The following CSNK1A1 variants were observed in gnomAD, a reference collection of about 807,000 sequenced individuals.
CSNK1A1 encodes the protein casein kinase I isoform alpha.
Under a neutral mutation model 46.1 loss-of-function variants are expected in CSNK1A1, and 7 were observed. The observed-to-expected ratio is 0.15, with a 90% CI of 0.09 to 0.29. The LOEUF (loss-of-function observed/expected upper bound fraction) is 0.29. CSNK1A1 is among the 10% of genes least tolerant of loss of function. The probability of loss-of-function intolerance (pLI) is 1.00; values close to 1 mark genes in which losing one functional copy is unlikely to be tolerated. For missense variants in CSNK1A1, 96 were observed against 417.1 expected (o/e 0.23, Z 6.71); for synonymous variants, 137 against 141.5 (o/e 0.97, Z 0.23).
At chr5:149,509,289 T>C (rs1343151018) in intron 7 of CSNK1A1, among the ~76,000 whole-genome samples, 1 of 152,172 alleles carries the variant, frequency 6.6e-6, no homozygotes, top group Non-Finnish European at 1.5e-5. Context: ...AATAAAAATG[T>C]AAATTTAAAA....
chr5:149,547,841 A>G (rs1762526807), intron 2 of CSNK1A1, among the ~76,000 whole-genome samples: 1 of 152,044 alleles, frequency 6.6e-6, no homozygotes, highest in South Asian at 2.1e-4. Context: ...ACTGTAAATC[A>G]GCATTGGAAC....
intron 2 of CSNK1A1, among the ~76,000 whole-genome samples, chr5:149,547,053 C>G (rs1382614092): frequency 6.6e-6 from 1 of 152,098 alleles, no homozygotes; most frequent in Non-Finnish European, 1.5e-5. Flanking sequence ...GCAAATTTAC[C>G]CTTTCCACAC....
chr5:149,522,748 AATT>A, intron 3 of CSNK1A1, among the ~76,000 whole-genome samples: 1 of 152,230 alleles, frequency 6.6e-6, no homozygotes, highest in East Asian at 1.9e-4. Context: ...CCTTCCTCAG[AATT>A]ATATTTTTTC....
chr5:149,518,860 C>A (rs539697461), intron 4 of CSNK1A1, among the ~76,000 whole-genome samples: 1 of 151,948 alleles, frequency 6.6e-6, no homozygotes, highest in African/African-American at 2.4e-5. Context: ...GCAAAAACCA[C>A]GTACTGCAAT....
Position 149,496,090 on chromosome 5 carries a change from T to C in CSNK1A1, c.*763A>G, listed in dbSNP as rs1268721967. The C allele has an allele frequency of 2.0e-5, 3 of 152,672 alleles. No individual in the cohort carries two copies. Among genetic ancestry groups the C allele is most frequent in the African/African-American group, 4.8e-5 (2 of 41,460 alleles). The allele number at this position is 152,672 out of a possible 1,614,324, so 9.5% of individuals were successfully genotyped here. On this transcript the variant is annotated 3_prime_UTR_variant, in exon 10 of 10. Transcript: ENST00000377843. ...TATAGATGTTTACAGTGATTACATT[T>C]ATCTAAGCAACATACATACATGTTC...
chr5:149,532,433 C>T (rs1761932268), intron 2 of CSNK1A1, among the ~76,000 whole-genome samples: 1 of 151,840 alleles, frequency 6.6e-6, no homozygotes, highest in Non-Finnish European at 1.5e-5. Context: ...TGGCTCACAC[C>T]TGCAATTCTA....
rs879295923 is a variant in CSNK1A1 at position 149,551,045 on chromosome 5, G to A, written c.-81C>T. The A allele has an allele frequency of 4.8e-5, 74 of 1,527,446 alleles. No homozygotes were observed. Among genetic ancestry groups the A allele is most frequent in the Non-Finnish European group, 6.6e-5 (74 of 1,116,512 alleles). 94.6% of individuals were successfully genotyped at this position (1,527,446 alleles called of 1,614,324 possible). On this transcript the variant is annotated 5_prime_UTR_variant, in exon 1 of 10. Transcript: ENST00000377843. ...CGGAGGCCTCGGGGCTCCTACACTA[G>A]GCAAGGCTACGGAGGAGGGCGGCAG...
chr5:149,544,745 A>ATATATATATATATATATATATATG (rs1179810756), intron 2 of CSNK1A1, among the ~76,000 whole-genome samples: 3 of 102,998 alleles, frequency 2.9e-5, no homozygotes, highest in African/African-American at 1.2e-4. Flanking sequence ...CTTTATATAT[A>ATATATATATATATATATATATATG]TATATATATA....
intron 3 of CSNK1A1, among the ~76,000 whole-genome samples, chr5:149,521,686 G>A (rs1761576595): frequency 6.7e-6 from 1 of 149,694 alleles, no homozygotes; most frequent in African/African-American, 2.5e-5. Context: ...GTGCAATTTT[G>A]GCTCACTGCA....
At position 149,494,017 on chromosome 5, in the gene CSNK1A1, C is replaced by T. The variant is rs1374254780; in HGVS notation, c.*2836G>A. On this transcript the variant is annotated 3_prime_UTR_variant, in exon 10 of 10. Transcript: ENST00000377843. The stretch of plus-strand genomic sequence containing the variant: ...GTCTAGGCCATCCCTTCTTAGAATT[C>T]CCATGACTCATTCTAGTCAAAAGCT... 6.6e-6 allele frequency: 1 copy of T among 152,306 alleles called. No individual in the cohort carries two copies. The highest frequency in any genetic ancestry group is 1.9e-4 in the East Asian group (1 of 5,188). 9.4% of individuals were successfully genotyped at this position (152,306 alleles called of 1,614,324 possible).
intron 2 of CSNK1A1, among the ~76,000 whole-genome samples, chr5:149,536,204 C>T (rs768356923): frequency 1.3e-5 from 2 of 152,260 alleles, no homozygotes; most frequent in Non-Finnish European, 1.5e-5. Flanking sequence ...TCGCCCACCT[C>T]GGCCTCCCAA....
chr5:149,549,585 C>T (rs1762592208), intron 2 of CSNK1A1: 1 of 677,586 alleles, frequency 1.5e-6, no homozygotes, highest in Admixed American at 2.0e-5. Flanking sequence ...GGGGTTGAGT[C>T]ACGTCGTTCC....
Position 149,517,699 on chromosome 5 carries a change from G to C in CSNK1A1, c.456+2591C>G, listed in dbSNP as rs1278195089. The stretch of plus-strand genomic sequence containing the variant: ...GCTTGAGCAAGATCTACATTCTCCA[G>C]AATTAAAACAAAACAAAAATCATCA... On this transcript the variant is annotated intron_variant, in intron 4 of 9. Coordinates refer to ENST00000377843, the MANE Select transcript of CSNK1A1 (RefSeq NM_001892.6). The surrounding 1 kb of genome is among the most constrained non-coding windows in gnomAD (Gnocchi z 4.4). The C allele has an allele frequency of 1.2e-6, 1 of 818,844 alleles. No individual in the cohort carries two copies. The highest frequency in any genetic ancestry group is 2.0e-6 in the Non-Finnish European group (1 of 503,180). 50.7% of individuals were successfully genotyped at this position (818,844 alleles called of 1,614,324 possible).
At chr5:149,500,259 TCCCAAGTAGCTGGGACTATAGG>T (rs924402348) in intron 9 of CSNK1A1, among the ~76,000 whole-genome samples, 11 of 151,418 alleles carry the variant, frequency 7.3e-5, no homozygotes, top group Non-Finnish European at 1.3e-4. Context: ...TGCCTCAGCC[TCCCAAGTAGCTGGGACTATAGG>T]CGCCCGCCAC....
chr5:149,498,941 C>T (rs1297144595), intron 9 of CSNK1A1: 1 of 985,238 alleles, frequency 1.0e-6, no homozygotes, highest in East Asian at 1.1e-4. Context: ...TAAATGATTA[C>T]AATTGTTTAG....
chr5:149,502,932 C>T (rs1760917681), intron 9 of CSNK1A1: 1 of 617,978 alleles, frequency 1.6e-6, no homozygotes, highest in Non-Finnish European at 2.0e-6. Context: ...CCACACCTGG[C>T]TAATTTTTGT....
At chr5:149,531,883 CTTAT>C (rs974308910) in intron 2 of CSNK1A1, among the ~76,000 whole-genome samples, 1 of 151,450 alleles carries the variant, frequency 6.6e-6, no homozygotes, top group Non-Finnish European at 1.5e-5. Flanking sequence ...ACATACTCTC[CTTAT>C]TATTATTATT....
At position 149,497,768 on chromosome 5, in the gene CSNK1A1, A is replaced by G. The variant is rs1714358175; in HGVS notation, c.1007-908T>C. On this transcript the variant is annotated intron_variant, in intron 9 of 9. Coordinates refer to ENST00000377843, the MANE Select transcript of CSNK1A1 (RefSeq NM_001892.6). ...CTATAGCTCATTCTAGCCCACTCCA[A>G]TCAATCCTCACTTCTTCAGCCCAGG... The G allele has an allele frequency of 7.1e-6, 7 of 985,300 alleles. No individual in the cohort carries two copies. In the South Asian group the frequency reaches 3.3e-4, roughly 46 times the overall value. 61.0% of individuals were successfully genotyped at this position (985,300 alleles called of 1,614,324 possible). A position where few individuals can be genotyped will look rare whatever the true frequency, so the allele number is the denominator to read the frequency against.
In CSNK1A1 at chr5:149,525,944, G is replaced by GA. The variant is rs1761714750; in HGVS notation, c.231-774dup. The stretch of plus-strand genomic sequence containing the variant: ...TTTTCTAGATATTAAATTCTGCTAA[G>GA]AAAATCAGGTGATACTTAAAATTTT... On this transcript the variant is annotated intron_variant, in intron 2 of 9. Transcript: ENST00000377843. This position sits in a 1 kb window ranked among gnomAD's most constrained non-coding sequence, Gnocchi z 4.2. Among the ~76,000 whole-genome samples, 1 of 152,074 alleles carries GA rather than the reference G, an allele frequency of 6.6e-6. No individual in the cohort carries two copies. Among genetic ancestry groups the GA allele is most frequent in the Non-Finnish European group, 1.5e-5 (1 of 68,012 alleles).
Sources: allele counts gnomAD v4.1 joint callset (sites outside exome capture counted in the v4.1 genomes callset), GRCh38; gene constraint gnomAD v4.1.1; non-coding constraint Gnocchi (gnomAD v3.1); transcripts MANE v1.5; gene names NCBI Gene and HGNC (gene_info 2026-07-23, HGNC 2026-07-21).